TCAF1: variants seen among roughly 807,000 people sequenced by gnomAD.
TCAF1 encodes the protein TRPM8 channel associated factor 1, also known as TRPM8 channel-associated factor 1.
In TCAF1, 4 loss-of-function variants were observed where a neutral mutation model predicts 27.3. The observed-to-expected ratio is 0.15, with a 90% confidence interval of 0.07 to 0.34. The LOEUF is 0.34. Among genes scored for constraint, TCAF1 ranks in the 10% least tolerant of loss-of-function variants. The pLI, the probability that TCAF1 is intolerant of heterozygous loss-of-function variation, is 1.00. For synonymous variants in TCAF1, 105 were observed against 167.1 expected, an observed-to-expected ratio of 0.63 and a Z score of 2.87; for missense variants, 257 against 425.8, an observed-to-expected ratio of 0.60 and a Z score of 3.49.
intron 1 of TCAF1, among the ~76,000 whole-genome samples, chr7:143,887,191 A>T (rs1297424256): frequency 1.3e-5 from 2 of 152,184 alleles, no homozygotes; most frequent in Non-Finnish European, 2.9e-5. Flanking sequence ...GAAAGTATTC[A>T]AATAACTTTT....
At chr7:143,882,510 G>C in intron 1 of TCAF1, 1 of 985,362 alleles carries the variant, frequency 1.0e-6, no homozygotes, top group Non-Finnish European at 1.2e-6. Flanking sequence ...GGGGGATGCG[G>C]GACCCAAGCG....
chr7:143,885,735 C>T (rs13225328), intron 1 of TCAF1, among the ~76,000 whole-genome samples: 38 of 151,778 alleles, frequency 2.5e-4, no homozygotes, highest in Non-Finnish European at 5.4e-4. Context: ...TAGTAAAAAA[C>T]GTTCCATTTT....
intron 1 of TCAF1, among the ~76,000 whole-genome samples, chr7:143,894,780 C>G (rs1813797517): frequency 6.6e-6 from 1 of 151,272 alleles, no homozygotes; most frequent in Non-Finnish European, 1.5e-5. Flanking sequence ...TGGGAAAAAG[C>G]AAGCCAAAGA....
rs1270100382 is a variant in TCAF1, at chr7:143,897,079, T to C, written c.-15+4882A>G. Among the ~76,000 whole-genome samples, 3 of 144,856 alleles carry C rather than the reference T, an allele frequency of 2.1e-5. No individual in the cohort carries two copies. In the Admixed American group the frequency reaches 2.1e-4, roughly 10 times the overall value. Reference sequence around the variant, plus strand: ...GCCATATCAATAGATAATGGAAAGATTTATAAACAGAATGAGAGGATTTTA... The same window carrying C: ...GCCATATCAATAGATAATGGAAAGACTTATAAACAGAATGAGAGGATTTTA... On this transcript the variant is annotated intron_variant, in intron 1 of 8. Coordinates refer to ENST00000479870, the MANE Select transcript of TCAF1 (RefSeq NM_014719.3).
At chr7:143,883,505 T>TTTC (rs1554393179) in intron 1 of TCAF1, among the ~76,000 whole-genome samples, 3 of 129,312 alleles carry the variant, frequency 2.3e-5, no homozygotes, top group African/African-American at 9.1e-5. Context: ...TTTTTCTTTT[T>TTTC]TTTTTTTTTT....
chr7:143,886,797 C>A (rs1388303564), intron 1 of TCAF1, among the ~76,000 whole-genome samples: 4 of 147,744 alleles, frequency 2.7e-5, no homozygotes, highest in Admixed American at 2.0e-4. Context: ...TCAATCGATC[C>A]GCCCACCTCA....
intron 6 of TCAF1, among the ~76,000 whole-genome samples, chr7:143,859,882 T>C (rs28393526): frequency 0.2 from 10,436 of 51,778 alleles, 2,611 homozygotes; most frequent in Middle Eastern, 0.28. Flanking sequence ...CATATATACA[T>C]ATATATAATA....
Position 143,890,786 on chromosome 7 carries a change from C to G in TCAF1, c.-15+11175G>C, listed in dbSNP as rs148077479. The stretch of plus-strand genomic sequence containing the variant: ...AAGTTTCAGACATGAAGAAACCAGA[C>G]AAGTTAATCTAAAATTTTATATATG... On this transcript the variant is annotated intron_variant, in intron 1 of 8. Transcript: ENST00000479870. 3.5e-3 allele frequency among the ~76,000 whole-genome samples: 532 copies of G among 152,292 alleles called. 1 individual carries two copies. Among genetic ancestry groups the G allele is most frequent in the African/African-American group, 0.012 (502 of 41,568 alleles).
At chr7:143,896,796 T>C (rs554415899) in intron 1 of TCAF1, among the ~76,000 whole-genome samples, 4 of 151,946 alleles carry the variant, frequency 2.6e-5, no homozygotes, top group African/African-American at 4.8e-5. Flanking sequence ...AGCTAAAAAG[T>C]AGTGATAGAA....
Position 143,876,246 on chromosome 7 carries a change from G to A in TCAF1, c.363C>T (p.Ser121=), listed in dbSNP as rs1812696846. The A allele has an allele frequency of 1.3e-5, 21 of 1,614,154 alleles. No individual in the cohort carries two copies. Among genetic ancestry groups the A allele is most frequent in the Non-Finnish European group, 1.7e-5 (20 of 1,180,034 alleles). The change falls in exon 2 of 9, where the codon TCC becomes TCT. Residue 121 remains serine, a synonymous_variant. Transcript: ENST00000479870. ...DAKVEPEVKD[S]LGVYCIDAYN... ...AGGCATCAATACAGTAAACCCCCAG[G>A]GAGTCTTTCACTTCTGGCTCAACCT...
intron 1 of TCAF1, among the ~76,000 whole-genome samples, chr7:143,886,810 C>T (rs1813428602): frequency 6.6e-6 from 1 of 150,494 alleles, no homozygotes; most frequent in African/African-American, 2.5e-5. Flanking sequence ...CCACCTCAGC[C>T]TCCCCAGTAG....
chr7:143,898,004 A>C (rs927505516), intron 1 of TCAF1, among the ~76,000 whole-genome samples: 3 of 152,172 alleles, frequency 2.0e-5, no homozygotes, highest in Non-Finnish European at 4.4e-5. Flanking sequence ...AAATTACTAC[A>C]TATTTACCAC....
chr7:143,882,486 G>A lies in TCAF1; in HGVS notation c.-14-5864C>T, dbSNP rs1360521536. 28 of 985,288 alleles carry A rather than the reference G, an allele frequency of 2.8e-5. No homozygotes were observed. In the Admixed American group the frequency reaches 1.7e-3, roughly 58 times the overall value. The allele number at this position is 985,288 out of a possible 1,614,324, so 61.0% of individuals were successfully genotyped here. The stretch of plus-strand genomic sequence containing the variant: ...ATCAGATGTCAGAACCTGGAGAGGA[G>A]GAGCAATGCGGCAGGGGGATGCGGG... On this transcript the variant is annotated intron_variant, in intron 1 of 8. Transcript: ENST00000479870.
intron 1 of TCAF1, among the ~76,000 whole-genome samples, chr7:143,886,868 T>C (rs1437050372): frequency 9.9e-4 from 51 of 51,660 alleles, no homozygotes; most frequent in African/African-American, 9.2e-3. Flanking sequence ...GTTTTTGTAT[T>C]TTTTTTTTTT....
intron 6 of TCAF1, among the ~76,000 whole-genome samples, chr7:143,859,952 ATT>A (rs1487650628): frequency 3.5e-5 from 2 of 56,970 alleles, no homozygotes; most frequent in Non-Finnish European, 6.6e-5. Flanking sequence ...TATAATATAT[ATT>A]ACGGAATATA....
intron 1 of TCAF1, among the ~76,000 whole-genome samples, chr7:143,887,055 C>A (rs914218697): frequency 1.3e-5 from 2 of 151,980 alleles, no homozygotes; most frequent in African/African-American, 4.8e-5. Flanking sequence ...CAGTCTCAGA[C>A]ACCACATTAT....
chr7:143,882,857 G>A (rs1004516179), intron 1 of TCAF1: 3 of 985,578 alleles, frequency 3.0e-6, no homozygotes, highest in Admixed American at 1.2e-4. Context: ...GGATTTGGGA[G>A]CGGGGAGGAG....
rs986393899 is a variant in TCAF1 at position 143,891,388 on chromosome 7, T to C, written c.-15+10573A>G. ...AACTGTGATTCATACGTTAAGAAAT[T>C]AGAAACAAGGCTGTGGAATTTCAGC... On this transcript the variant is annotated intron_variant, in intron 1 of 8. Coordinates refer to ENST00000479870, the MANE Select transcript of TCAF1 (RefSeq NM_014719.3). 4.0e-5 allele frequency among the ~76,000 whole-genome samples: 6 copies of C among 151,774 alleles called. 1 individual carries two copies. Among genetic ancestry groups the C allele is most frequent in the Admixed American group, 6.6e-5 (1 of 15,206 alleles).
intron 1 of TCAF1, chr7:143,882,419 G>A: frequency 2.0e-6 from 2 of 985,370 alleles, no homozygotes; most frequent in Non-Finnish European, 2.4e-6. Flanking sequence ...TCTAGGTCAG[G>A]CCCTCAGGTA....
Sources: gnomAD v4.1 joint callset for allele counts (sites outside exome capture counted in the v4.1 genomes callset) on GRCh38, gnomAD v4.1.1 for gene constraint, MANE v1.5 for transcripts, NCBI Gene and HGNC (gene_info 2026-07-23, HGNC 2026-07-21) for gene names.